Variants in SORCS2 observed in about 807,000 individuals in gnomAD.
SORCS2 encodes VPS10 domain-containing receptor SorCS2.
A neutral mutation model predicts 141.6 loss-of-function variants in SORCS2; 100 were observed. That is an observed-to-expected ratio of 0.71 (90% CI 0.60 to 0.83). The LOEUF (loss-of-function observed/expected upper bound fraction) is 0.83, where lower values mean the gene tolerates loss of function less well. SORCS2 is among the 40% of genes least tolerant of loss of function. The pLI is 0.00. For missense variants in SORCS2, 1,646 were observed against 1,560.2 expected, an observed-to-expected ratio of 1.05 and a Z score of -0.93; for synonymous variants, 789 against 676.9, an observed-to-expected ratio of 1.17 and a Z score of -2.57.
chr4:7,712,844 C>T lies in SORCS2; in HGVS notation c.1980C>T (p.Ser660=), dbSNP rs368722270. The T allele has an allele frequency of 2.4e-5, 38 of 1,613,738 alleles. No homozygotes were observed. Among genetic ancestry groups the T allele is most frequent in the Non-Finnish European group, 3.1e-5 (37 of 1,179,866 alleles). ...AGGACTACAGCTCCTGGGAGCTCTCCAACCTGCAGGTGGGCCGGCATGAGG... is the reference window on the plus strand; with the variant it reads ...AGGACTACAGCTCCTGGGAGCTCTCTAACCTGCAGGTGGGCCGGCATGAGG... ...GEEDYSSWEL[S]NLQGDRCIMG... is the part of the protein sequence containing the mutation. The change falls in exon 15 of 27, where the codon TCC becomes TCT. Residue 660 remains serine (S), a synonymous_variant. Transcript: ENST00000507866.
intron 2 of SORCS2, among the ~76,000 whole-genome samples, chr4:7,476,068 C>A (rs548409665): frequency 1.3e-5 from 2 of 152,294 alleles, no homozygotes; most frequent in African/African-American, 4.8e-5. Context: ...GGCCTATACC[C>A]AGGCGCTTCT....
At chr4:7,397,361 C>T (rs1724280113) in intron 2 of SORCS2, among the ~76,000 whole-genome samples, 1 of 152,104 alleles carries the variant, frequency 6.6e-6, no homozygotes, top group African/African-American at 2.4e-5. Context: ...GCCTGGTCAT[C>T]TGTGCTGCTA....
At chr4:7,419,364 T>C (rs1032063264) in intron 2 of SORCS2, among the ~76,000 whole-genome samples, 1 of 152,120 alleles carries the variant, frequency 6.6e-6, no homozygotes, top group African/African-American at 2.4e-5. Flanking sequence ...TGGCTGGCCT[T>C]GGACACTGGA....
chr4:7,664,341 T>C lies in SORCS2; in HGVS notation c.953-12T>C, dbSNP rs1455819580. 12 of 1,609,830 alleles carry C rather than the reference T, an allele frequency of 7.5e-6. No individual in the cohort carries two copies. Among genetic ancestry groups the C allele is most frequent in the African/African-American group, 1.3e-5 (1 of 74,896 alleles). On this transcript the variant is annotated splice_polypyrimidine_tract_variant and intron_variant, in intron 6 of 26. Coordinates refer to ENST00000507866, the MANE Select transcript of SORCS2 (RefSeq NM_020777.3). The surrounding 1 kb of genome is among the most constrained non-coding windows in gnomAD (Gnocchi z 4.7). ...GAGTCTGACCGCCTGGGTCGGCGCC[T>C]CTCTCCTGTAGATTTTCGGTACGTC...
At chr4:7,324,826 G>A (rs1719136009) in intron 1 of SORCS2, among the ~76,000 whole-genome samples, 1 of 152,242 alleles carries the variant, frequency 6.6e-6, no homozygotes, top group Non-Finnish European at 1.5e-5. Context: ...GGAGGTGCAA[G>A]AGCTGTCATT....
At chr4:7,200,548 A>G (rs1727431383) in intron 1 of SORCS2, among the ~76,000 whole-genome samples, 1 of 152,134 alleles carries the variant, frequency 6.6e-6, no homozygotes, top group African/African-American at 2.4e-5. Flanking sequence ...CACATTTGCT[A>G]ATTTATTTGT....
At chr4:7,593,265 A>T (rs774412387) in intron 3 of SORCS2, among the ~76,000 whole-genome samples, 2 of 152,168 alleles carry the variant, frequency 1.3e-5, no homozygotes, top group Non-Finnish European at 2.9e-5. Flanking sequence ...TTTCTGCTGC[A>T]ATCTTTTGGC....
chr4:7,651,027 G>C (rs752327239), intron 4 of SORCS2, among the ~76,000 whole-genome samples: 1 of 151,928 alleles, frequency 6.6e-6, no homozygotes, highest in Admixed American at 6.6e-5. Flanking sequence ...AAAACATAAC[G>C]CAAATCAAAG....
intron 17 of SORCS2, 114 bp downstream of exon 17, chr4:7,715,425 CG>C: frequency 1.4e-6 from 2 of 1,467,766 alleles, no homozygotes; most frequent in Non-Finnish European, 1.8e-6. Context: ...CAAGTGGAGT[CG>C]GGGAAAGAGA....
chr4:7,365,639 C>T (rs1721835024), intron 1 of SORCS2, among the ~76,000 whole-genome samples: 1 of 152,222 alleles, frequency 6.6e-6, no homozygotes, highest in African/African-American at 2.4e-5. Context: ...CGCCCGCCTG[C>T]CCGCCCAACA....
At chr4:7,706,486 G>GATGAGGCTGGGCTCCGCCTGGGCAGGC (rs1175609920) in intron 14 of SORCS2, among the ~76,000 whole-genome samples, 4 of 139,650 alleles carry the variant, frequency 2.9e-5, no homozygotes, top group African/African-American at 1.1e-4. Context: ...CCTGGACAGA[G>GATGAGGCTGGGCTCCGCCTGGGCAGGC]ATGAGGCTGG....
At chr4:7,424,598 C>T (rs1241563121) in intron 2 of SORCS2, among the ~76,000 whole-genome samples, 1 of 152,214 alleles carries the variant, frequency 6.6e-6, no homozygotes, top group Admixed American at 6.5e-5. Flanking sequence ...CTCACCTCCT[C>T]ATGGTGGCAG....
intron 1 of SORCS2, among the ~76,000 whole-genome samples, chr4:7,384,341 CAG>C (rs1723161889): frequency 6.6e-6 from 1 of 152,182 alleles, no homozygotes; most frequent in Non-Finnish European, 1.5e-5. Flanking sequence ...CGGCTCAGGA[CAG>C]AGGAAGTCAT....
chr4:7,363,351 A>G (rs1721710948), intron 1 of SORCS2, among the ~76,000 whole-genome samples: 1 of 152,072 alleles, frequency 6.6e-6, no homozygotes, highest in African/African-American at 2.4e-5. Flanking sequence ...CACCACCACC[A>G]CCATCATTAC....
intron 1 of SORCS2, among the ~76,000 whole-genome samples, chr4:7,289,765 G>A (rs778541971): frequency 2.4e-4 from 36 of 152,314 alleles, no homozygotes; most frequent in Non-Finnish European, 4.4e-4. Flanking sequence ...CTGCAGAGGC[G>A]GACGTGGGTG....
chr4:7,311,212 A>T (rs1031339208), intron 1 of SORCS2, among the ~76,000 whole-genome samples: 2 of 152,160 alleles, frequency 1.3e-5, no homozygotes, highest in African/African-American at 4.8e-5. Flanking sequence ...TCTACTCAGC[A>T]TCGCTGTTTT....
rs1485033308 is a variant in SORCS2 at position 7,543,645 on chromosome 4, C to T, written c.648+12016C>T. Among the ~76,000 whole-genome samples the T allele has an allele frequency of 1.0e-4, 15 of 144,996 alleles. No homozygotes were observed. The East Asian group carries it at 1.0e-3, about 10-fold the overall frequency. On this transcript the variant is annotated intron_variant, in intron 3 of 26. Coordinates refer to ENST00000507866, the MANE Select transcript of SORCS2 (RefSeq NM_020777.3). The stretch of plus-strand genomic sequence containing the variant: ...CCATCCATCCACCCATCCGTCCATC[C>T]GTCCATCCATCCACCCACCCATCCA...
At chr4:7,728,523 C>T in intron 22 of SORCS2, 61 bp downstream of exon 22, 1 of 1,291,720 alleles carries the variant, frequency 7.7e-7, no homozygotes, top group Non-Finnish European at 1.1e-6. Context: ...CCAGAGAAGC[C>T]CAAGGGCCCC....
intron 1 of SORCS2, among the ~76,000 whole-genome samples, chr4:7,395,172 C>G (rs1724128877): frequency 7.1e-6 from 1 of 140,508 alleles, no homozygotes; most frequent in Non-Finnish European, 1.5e-5. Flanking sequence ...GCAACAGCCC[C>G]TCCTCATGTC....
Sources: gnomAD v4.1 joint callset for allele counts (sites outside exome capture counted in the v4.1 genomes callset) on GRCh38, gnomAD v4.1.1 for gene constraint, Gnocchi (gnomAD v3.1) non-coding constraint, MANE v1.5 for transcripts, NCBI Gene and HGNC (gene_info 2026-07-23, HGNC 2026-07-21) for gene names.